Variants in XKR6 observed in about 807,000 individuals in gnomAD.
XKR6 encodes the protein XK-related protein 6.
XKR6 carries 22 observed loss-of-function variants against 56.7 expected under a neutral mutation model. The observed-to-expected ratio is 0.39, with a 90% CI of 0.28 to 0.55. The LOEUF (loss-of-function observed/expected upper bound fraction) is 0.55. Ranked by LOEUF, XKR6 falls within the 20% of genes least tolerant of loss-of-function variation. The pLI, the probability that XKR6 is intolerant of heterozygous loss-of-function variation, is 0.66. For missense variants in XKR6, 852 were observed against 889.0 expected, an observed-to-expected ratio of 0.96 and a Z score of 0.53; for synonymous variants, 524 against 387.8, an observed-to-expected ratio of 1.35 and a Z score of -4.13.
chr8:10,897,936 CT>C lies in XKR6; in HGVS notation c.*15del, dbSNP rs757524627. On this transcript the variant is annotated 3_prime_UTR_variant, in exon 3 of 3. Transcript: ENST00000416569. ...ACCAAACTTAAGGTCCCCTTCTCAA[CT>C]TGGTCAAGATGCTCTTAGAGTGAAG... 8.5e-5 allele frequency: 130 copies of C among 1,536,530 alleles called. No individual in the cohort carries two copies. The African/African-American group carries it at 1.6e-3, about 19-fold the overall frequency.
chr8:10,966,375 A>G (rs751327200), intron 1 of XKR6, among the ~76,000 whole-genome samples: 197 of 152,144 alleles, frequency 1.3e-3, no homozygotes, highest in Non-Finnish European at 2.3e-3. Context: ...AAATGTATTA[A>G]AAACGCAAGT....
chr8:10,960,956 C>T (rs1446202183), intron 1 of XKR6, among the ~76,000 whole-genome samples: 1 of 152,106 alleles, frequency 6.6e-6, no homozygotes, highest in East Asian at 1.9e-4. Flanking sequence ...GAAGACCGGG[C>T]TAGACTGGCT....
intron 1 of XKR6, chr8:11,123,408 A>G (rs955804694): frequency 1.9e-5 from 3 of 155,830 alleles, no homozygotes; most frequent in African/African-American, 7.2e-5. Flanking sequence ...GTTGACAAAT[A>G]CTGTAATCCA....
chr8:10,900,414 G>A (rs374702150), intron 2 of XKR6, among the ~76,000 whole-genome samples: 40 of 152,260 alleles, frequency 2.6e-4, no homozygotes, highest in East Asian at 5.8e-4. Flanking sequence ...TGCGTCACCC[G>A]TCTCACAAAG....
intron 1 of XKR6, among the ~76,000 whole-genome samples, chr8:11,191,034 A>G (rs949802852): frequency 2.6e-5 from 4 of 152,198 alleles, no homozygotes; most frequent in African/African-American, 9.7e-5. Flanking sequence ...AGTATCACAC[A>G]CATGTCCTCT....
intron 1 of XKR6, among the ~76,000 whole-genome samples, chr8:11,187,152 C>T (rs1243640382): frequency 6.6e-6 from 1 of 152,172 alleles, no homozygotes; most frequent in South Asian, 2.1e-4. Flanking sequence ...AAAACCATTC[C>T]TGCTTCATGT....
intron 1 of XKR6, among the ~76,000 whole-genome samples, chr8:11,172,977 G>A (rs911696490): frequency 1.3e-5 from 2 of 152,108 alleles, no homozygotes. Flanking sequence ...CGGTATTTAA[G>A]CCATTAACAG....
chr8:11,122,807 G>A (rs529281472), intron 1 of XKR6, among the ~76,000 whole-genome samples: 2 of 152,216 alleles, frequency 1.3e-5, no homozygotes, highest in East Asian at 3.9e-4. Context: ...ATCTGACTTG[G>A]ACCCTCACTA....
At chr8:11,149,215 C>T (rs748118604) in intron 1 of XKR6, among the ~76,000 whole-genome samples, 4 of 152,142 alleles carry the variant, frequency 2.6e-5, no homozygotes, top group Admixed American at 6.5e-5. Flanking sequence ...CTTACACACG[C>T]CTAGATGGCA....
At chr8:10,976,779 G>C (rs112894098) in intron 1 of XKR6, among the ~76,000 whole-genome samples, 149 of 136,664 alleles carry the variant, frequency 1.1e-3, no homozygotes, top group African/African-American at 3.4e-3. Flanking sequence ...CTCTCTCTCT[G>C]TCTCTCTCTC....
intron 1 of XKR6, among the ~76,000 whole-genome samples, chr8:11,071,249 T>C (rs981400934): frequency 2.0e-5 from 3 of 152,026 alleles, no homozygotes; most frequent in African/African-American, 7.2e-5. Flanking sequence ...AAGAAAAAAA[T>C]TTCTTTTCAG....
chr8:10,984,230 C>A (rs1008015671), intron 1 of XKR6, among the ~76,000 whole-genome samples: 1 of 152,282 alleles, frequency 6.6e-6, no homozygotes, highest in East Asian at 1.9e-4. Flanking sequence ...TCCATAGCTA[C>A]TGAAAAAGCA....
At chr8:10,982,697 A>T (rs1797761975) in intron 1 of XKR6, among the ~76,000 whole-genome samples, 1 of 152,198 alleles carries the variant, frequency 6.6e-6, no homozygotes, top group Non-Finnish European at 1.5e-5. Flanking sequence ...TCTGAAGCTG[A>T]TTTGTGGCCA....
At chr8:11,034,889 A>C (rs1468435641) in intron 1 of XKR6, among the ~76,000 whole-genome samples, 1 of 152,228 alleles carries the variant, frequency 6.6e-6, no homozygotes, top group Non-Finnish European at 1.5e-5. Context: ...ACAGTGATGC[A>C]TAAGCTGGGC....
chr8:11,038,802 A>G (rs1021023912), intron 1 of XKR6, among the ~76,000 whole-genome samples: 1 of 151,968 alleles, frequency 6.6e-6, no homozygotes, highest in African/African-American at 2.4e-5. Flanking sequence ...GAGACTCCCA[A>G]AGTGCTGGGA....
At chr8:11,136,199 A>G (rs1800384312) in intron 1 of XKR6, among the ~76,000 whole-genome samples, 1 of 152,298 alleles carries the variant, frequency 6.6e-6, no homozygotes, top group African/African-American at 2.4e-5. Flanking sequence ...CTCCATTACT[A>G]GGGACTGAAT....
At chr8:10,920,528 A>C (rs1800679180) in intron 2 of XKR6, among the ~76,000 whole-genome samples, 1 of 152,234 alleles carries the variant, frequency 6.6e-6, no homozygotes, top group Non-Finnish European at 1.5e-5. Flanking sequence ...TGCCACCAAC[A>C]GGTCTGTTCC....
chr8:11,010,582 C>A (rs541357388), intron 1 of XKR6, among the ~76,000 whole-genome samples: 2 of 152,272 alleles, frequency 1.3e-5, no homozygotes, highest in African/African-American at 4.8e-5. Flanking sequence ...TTTAAAATCC[C>A]AACCAAGAAA....
At chr8:10,955,216 A>G (rs913785526) in intron 1 of XKR6, among the ~76,000 whole-genome samples, 1 of 151,964 alleles carries the variant, frequency 6.6e-6, no homozygotes, top group African/African-American at 2.4e-5. Context: ...GATTATGGCA[A>G]TGCAAGAACA....
Sources: gnomAD v4.1 joint callset for allele counts (sites outside exome capture counted in the v4.1 genomes callset) on GRCh38, gnomAD v4.1.1 for gene constraint, MANE v1.5 for transcripts, NCBI Gene and HGNC (gene_info 2026-07-23, HGNC 2026-07-21) for gene names.